HEPH: variants seen among roughly 807,000 people sequenced by gnomAD.
The protein encoded by HEPH is hephaestin.
In HEPH, 69 loss-of-function variants were observed where a neutral mutation model predicts 80.8. The observed-to-expected ratio is 0.85, with a 90% CI of 0.70 to 1.04. HEPH has a LOEUF of 1.04. Among genes scored for constraint, HEPH ranks in the 50% least tolerant of loss-of-function variants. HEPH has a pLI of 0.00. For missense variants in HEPH, 1,115 were observed against 891.3 expected, an observed-to-expected ratio of 1.25 and a Z score of -3.20; for synonymous variants, 431 against 322.8, an observed-to-expected ratio of 1.34 and a Z score of -3.60.
chrX:66,196,309 G>A (rs377548008), intron 9 of HEPH, among the ~76,000 whole-genome samples: 31 of 111,372 alleles, frequency 2.8e-4, no homozygotes, highest in Admixed American at 2.3e-3. Flanking sequence ...TATACACATA[G>A]AGTAGATAAA....
At chrX:66,225,665 C>G (rs980818161) in intron 15 of HEPH, among the ~76,000 whole-genome samples, 3 of 112,563 alleles carry the variant, frequency 2.7e-5, no homozygotes, top group African/African-American at 9.7e-5. Flanking sequence ...ATGCGCTGCT[C>G]TGGCAAGGCA....
At chrX:66,163,118 G>A (rs943706122), upstream of HEPH, among the ~76,000 whole-genome samples, 4 of 111,306 alleles carry the variant, frequency 3.6e-5, no homozygotes, top group Admixed American at 3.8e-4. Context: ...GGGCTGGGAG[G>A]GTCCATATCT....
At chrX:66,254,448 G>A (rs762858643) in intron 15 of HEPH, among the ~76,000 whole-genome samples, 4 of 111,413 alleles carry the variant, frequency 3.6e-5, no homozygotes, top group Non-Finnish European at 7.5e-5. Context: ...TTTCAAAGGA[G>A]GGAGGTGAGT....
chrX:66,204,082 G>A (rs1234673338), intron 13 of HEPH, among the ~76,000 whole-genome samples: 1 of 111,885 alleles, frequency 8.9e-6, no homozygotes, highest in Non-Finnish European at 1.9e-5. Flanking sequence ...TCCTTTCTGG[G>A]GCCAAGATGT....
At chrX:66,198,640 G>T (rs1315833356) in intron 10 of HEPH, among the ~76,000 whole-genome samples, 1 of 109,630 alleles carries the variant, frequency 9.1e-6, no homozygotes, top group East Asian at 2.9e-4. Flanking sequence ...CTCCTTCCCT[G>T]CCCACTTTCA....
chrX:66,237,952 G>T (rs781424179), intron 15 of HEPH, among the ~76,000 whole-genome samples: 2 of 111,732 alleles, frequency 1.8e-5, no homozygotes, highest in Non-Finnish European at 3.8e-5. Context: ...CTGCTTCTTT[G>T]TGTTTCCATT....
At chrX:66,199,966 G>T (rs1443484664) in intron 11 of HEPH, among the ~76,000 whole-genome samples, 1 of 107,213 alleles carries the variant, frequency 9.3e-6, no homozygotes, top group Non-Finnish European at 1.9e-5. Flanking sequence ...AGGATGGGAG[G>T]ACAGACTGCA....
At chrX:66,251,540 A>G (rs111263415) in intron 15 of HEPH, among the ~76,000 whole-genome samples, 1 of 111,435 alleles carries the variant, frequency 9.0e-6, no homozygotes, top group Non-Finnish European at 1.9e-5. Flanking sequence ...CCTATTTTTA[A>G]TTGGGCTGTT....
At chrX:66,252,073 T>A (rs754545827) in intron 15 of HEPH, among the ~76,000 whole-genome samples, 1 of 111,276 alleles carries the variant, frequency 9.0e-6, no homozygotes, top group South Asian at 3.8e-4. Flanking sequence ...GCAGTGGAGA[T>A]GGGTAGAAGT....
chrX:66,167,576 G>C (rs961765551), intron 1 of HEPH, among the ~76,000 whole-genome samples: 2 of 112,235 alleles, frequency 1.8e-5, no homozygotes, highest in African/African-American at 6.5e-5. Flanking sequence ...GGAATGAACC[G>C]AGGACACTCC....
intron 10 of HEPH, among the ~76,000 whole-genome samples, chrX:66,198,288 C>G (rs1215447302): frequency 1.8e-5 from 2 of 110,072 alleles, no homozygotes; most frequent in East Asian, 5.7e-4. Flanking sequence ...ATTCAGCCCA[C>G]AATTTCTAGC....
chrX:66,248,978 G>A lies in HEPH; in HGVS notation c.2564-6057G>A, dbSNP rs137916100. Reference sequence around the variant, plus strand: ...TCATATCTAAGTAAAGGCCATCAGTGTTGTGGAGGTGGGTGTGCTGGTGTA... The same window carrying A: ...TCATATCTAAGTAAAGGCCATCAGTATTGTGGAGGTGGGTGTGCTGGTGTA... On this transcript the variant is annotated intron_variant, in intron 15 of 20. Coordinates refer to ENST00000343002, the MANE Select transcript of HEPH (RefSeq NM_001367233.3). Among the ~76,000 whole-genome samples, 710 of 111,763 alleles carry A rather than the reference G, an allele frequency of 6.4e-3. 10 individuals are homozygous for A. The highest frequency in any genetic ancestry group is 0.022 in the African/African-American group (685 of 30,742).
At chrX:66,216,087 G>A (rs923440212) in intron 15 of HEPH, among the ~76,000 whole-genome samples, 2 of 110,972 alleles carry the variant, frequency 1.8e-5, no homozygotes, top group East Asian at 2.8e-4. Context: ...CTGAGTTCAG[G>A]CACACCTAAT....
chrX:66,263,515 T>C, intron 19 of HEPH, 129 bp from the exon 20 acceptor site: 1 of 636,369 alleles, frequency 1.6e-6, no homozygotes. Flanking sequence ...AAGTAGTAAA[T>C]TCTGCCTTTA....
At chrX:66,221,147 G>A (rs2089628969) in intron 15 of HEPH, among the ~76,000 whole-genome samples, 1 of 111,422 alleles carries the variant, frequency 9.0e-6, no homozygotes, top group African/African-American at 3.3e-5. Context: ...CTGGAACAGG[G>A]CTTGTCGTCT....
intron 15 of HEPH, among the ~76,000 whole-genome samples, chrX:66,240,288 C>T (rs1028230670): frequency 2.7e-5 from 3 of 110,930 alleles, no homozygotes; most frequent in Admixed American, 9.6e-5. Flanking sequence ...CGATAAAACT[C>T]GTCCAAACTG....
intron 15 of HEPH, among the ~76,000 whole-genome samples, chrX:66,218,737 A>T (rs2089505193): frequency 9.0e-6 from 1 of 111,026 alleles, no homozygotes; most frequent in Admixed American, 9.6e-5. Flanking sequence ...TGATCGATTG[A>T]GCAAGCAGGG....
At chrX:66,197,007 C>T (rs2088138534) in intron 9 of HEPH, among the ~76,000 whole-genome samples, 2 of 108,821 alleles carry the variant, frequency 1.8e-5, no homozygotes, top group East Asian at 5.7e-4. Flanking sequence ...CCACTTCTTA[C>T]CATCATGCAT....
intron 3 of HEPH, 84 bp from the exon 4 acceptor site, chrX:66,173,505 T>C (rs1310636727): frequency 3.1e-6 from 2 of 651,000 alleles, no homozygotes; most frequent in Non-Finnish European, 4.7e-6. Context: ...CCTAGGGTTC[T>C]ACATGTCAGC....
Sources: gnomAD v4.1 joint callset for allele counts (sites outside exome capture counted in the v4.1 genomes callset) on GRCh38, gnomAD v4.1.1 for gene constraint, MANE v1.5 for transcripts, NCBI Gene and HGNC (gene_info 2026-07-23, HGNC 2026-07-21) for gene names.